APC2: variants seen among roughly 807,000 people sequenced by gnomAD.
APC2 encodes the protein adenomatous polyposis coli protein 2.
Under a neutral mutation model 72.5 loss-of-function variants are expected in APC2, and 41 were observed. The ratio of observed to expected loss-of-function variants is 0.57; its 90% CI spans 0.44 to 0.73. The LOEUF (loss-of-function observed/expected upper bound fraction) is 0.73, where lower values mean the gene tolerates loss of function less well. APC2 is among the 30% of genes least tolerant of loss of function. The probability of loss-of-function intolerance (pLI) is 0.00; values close to 1 mark genes in which losing one functional copy is unlikely to be tolerated. For missense variants in APC2, 3,729 were observed against 3,403.4 expected (o/e 1.10, Z -2.38); for synonymous variants, 1,898 against 1,612.0 (o/e 1.18, Z -4.25).
At chr19:1,461,643 G>T (rs1254440575) in intron 13 of APC2, 1 of 359,106 alleles carries the variant, frequency 2.8e-6, no homozygotes, top group Non-Finnish European at 5.1e-6. Flanking sequence ...ACAAGGTCAG[G>T]AGATCGAGAC....
intron 9 of APC2, 70 bp from the exon 10 acceptor site, chr19:1,457,895 C>CAGGGGGGGGG (rs374378343): frequency 8.0e-6 from 10 of 1,251,674 alleles, no homozygotes; most frequent in Middle Eastern, 2.6e-4. Flanking sequence ...GGGCGGGTTG[C>CAGGGGGGGGG]GGGACCTTCG....
chr19:1,468,732 C>A lies in APC2; in HGVS notation c.5431C>A (p.Pro1811Thr). Residue 1811 changes from proline (P) to threonine (T), a missense_variant, in exon 15 of 15, where the codon CCC becomes ACC. Physicochemically the swap from Pro to Thr is conservative, Grantham distance 38. Transcript: ENST00000590469. ...TGCCCAGCCCAAAGGGACCCCCGGC[C>A]CCCGCGCCACACCGCGGAAGGTGGC... ...PRAQPKGTPG[P>T]RATPRKVAPP... 6.6e-7 allele frequency: 1 copy of A among 1,503,888 alleles called. No homozygotes were observed. The highest frequency in any genetic ancestry group is 2.5e-5 in the East Asian group (1 of 40,310). The allele number at this position is 1,503,888 out of a possible 1,614,324, so 93.2% of individuals were successfully genotyped here. A position where few individuals can be genotyped will look rare whatever the true frequency, so the allele number is the denominator to read the frequency against.
In APC2 at chr19:1,465,957, G is replaced by T; in HGVS notation, c.2656G>T (p.Glu886Ter). ...SGDPGQEAPR[E>*]GRAQSCSPCR... ...AGACCCGGGACAGGAGGCGCCACGG[G>T]AGGGCCGCGCCCAGTCCTGCTCGCC... Residue 886 changes from glutamate (E) to a stop codon, truncating the protein, a stop_gained, in exon 15 of 15, where the codon GAG (glutamate) becomes TAG (stop). Transcript: ENST00000590469. LOFTEE classifies it low-confidence loss of function (END_TRUNC). The T allele has an allele frequency of 6.3e-7, 1 of 1,575,048 alleles. No individual in the cohort carries two copies.
chr19:1,456,731 G>A (rs3896893), intron 8 of APC2, 122 bp from the exon 9 acceptor site: 7 of 1,254,926 alleles, frequency 5.6e-6, no homozygotes, highest in African/African-American at 1.5e-5. Flanking sequence ...CCCCTCATCT[G>A]TCCCCCAGGT....
rs549582280 is a variant in APC2 at position 1,470,256 on chromosome 19, G to T, written c.*43G>T. The T allele has an allele frequency of 2.6e-6, 4 of 1,518,002 alleles. No individual in the cohort carries two copies. The highest frequency in any genetic ancestry group is 3.5e-6 in the Non-Finnish European group (4 of 1,135,008). The allele number at this position is 1,518,002 out of a possible 1,614,324, so 94.0% of individuals were successfully genotyped here. A position where few individuals can be genotyped will look rare whatever the true frequency, so the allele number is the denominator to read the frequency against. On this transcript the variant is annotated 3_prime_UTR_variant, in exon 15 of 15. Transcript: ENST00000590469. ...CTGGAACGTTCTCTCCCGGCCCTGCGGCGCGGTCTGGCTGCCCCATGGGCC... is the reference window on the plus strand; with the variant it reads ...CTGGAACGTTCTCTCCCGGCCCTGCTGCGCGGTCTGGCTGCCCCATGGGCC...
In APC2 at chr19:1,468,685, A is replaced by G; in HGVS notation, c.5384A>G (p.Tyr1795Cys). 1 of 1,561,866 alleles carries G rather than the reference A, an allele frequency of 6.4e-7. No individual in the cohort carries two copies. The change falls in exon 15 of 15, where the codon TAC (tyrosine) becomes TGC (cysteine). Residue 1795 changes from tyrosine to cysteine, a missense_variant. Transcript: ENST00000590469. ...GTGCTCCGGGGACGAACAGTGATCT[A>G]CGTCCCCAGCCCGGCACCCCGTGCC... ...PAVLRGRTVI[Y>C]VPSPAPRAQP... is the part of the protein sequence containing the mutation.
chr19:1,457,038 C>A lies in APC2; in HGVS notation c.1002C>A (p.Ala334=). The change falls in exon 9 of 15, where the codon GCC becomes GCA. Residue 334 remains alanine, a synonymous_variant. Transcript: ENST00000590469. The part of the protein sequence containing the change: ...TEAAAGGRAG[A]PGAPGAKDAR... ...CCGCGGCCGGGGGTCGCGCCGGGGCCCCAGGGGCACCGGGCGCCAAGGACG... is the reference window on the plus strand; with the variant it reads ...CCGCGGCCGGGGGTCGCGCCGGGGCACCAGGGGCACCGGGCGCCAAGGACG... 3 of 1,527,186 alleles carry A rather than the reference C, an allele frequency of 2.0e-6. No homozygotes were observed. Among genetic ancestry groups the A allele is most frequent in the Non-Finnish European group, 2.6e-6 (3 of 1,143,962 alleles). 94.6% of individuals were successfully genotyped at this position (1,527,186 alleles called of 1,614,324 possible). A position where few individuals can be genotyped will look rare whatever the true frequency, so the allele number is the denominator to read the frequency against.
intron 10 of APC2, chr19:1,458,279 T>C (rs2083869918): frequency 3.4e-6 from 2 of 581,788 alleles, no homozygotes. Flanking sequence ...CCCGATCTGG[T>C]CTGAGGCTTC....
rs374378343 is a variant in APC2 at position 1,457,895 on chromosome 19, C to CCGGGGTGGGGGGG, written c.1208-70_1208-69insCGGGGTGGGGGGG. On this transcript the variant is annotated intron_variant, in intron 9 of 14. Coordinates refer to ENST00000590469, the MANE Select transcript of APC2 (RefSeq NM_005883.3). ...CTTCAGGCCTGGGGCGGGCGGGTTGCGGGACCTTCGGGAGTCACCTGGGAC... is the reference window on the plus strand; with the variant it reads ...CTTCAGGCCTGGGGCGGGCGGGTTGCCGGGGTGGGGGGGGGGACCTTCGGGAGTCACCTGGGAC... 3.2e-6 allele frequency: 4 copies of CCGGGGTGGGGGGG among 1,233,430 alleles called. 1 individual carries two copies. The African/African-American group carries it at 8.3e-5, about 26-fold the overall frequency. The allele number at this position is 1,233,430 out of a possible 1,614,324, so 76.4% of individuals were successfully genotyped here.
At chr19:1,448,212 C>G (rs1339204800), upstream of APC2, among the ~76,000 whole-genome samples, 1 of 152,080 alleles carries the variant, frequency 6.6e-6, no homozygotes, top group African/African-American at 2.4e-5. Flanking sequence ...CCCTGTGTCC[C>G]AAGCATGCAT....
rs779603093 is a variant in APC2 at position 1,466,427 on chromosome 19, G to T, written c.3126G>T (p.Lys1042Asn). The T allele has an allele frequency of 6.3e-7, 1 of 1,597,398 alleles. No homozygotes were observed. The highest frequency in any genetic ancestry group is 1.1e-5 in the South Asian group (1 of 90,836). The stretch of plus-strand genomic sequence containing the variant: ...ACCACCTGAGCAAGGTTCCCGAGAA[G>T]CTGGCGGCTGCCCCGCTGTCTGTGG... The part of the protein sequence containing the change: ...PADHLSKVPE[K>N]LAAAPLSVAS... The change falls in exon 15 of 15, where the codon AAG (lysine) becomes AAT (asparagine). Residue 1042 changes from lysine to asparagine, a missense_variant. Lys to Asn is a moderately conservative substitution (Grantham distance 94, BLOSUM62 0). Coordinates refer to ENST00000590469, the MANE Select transcript of APC2 (RefSeq NM_005883.3).
chr19:1,456,515 C>T, intron 8 of APC2, 111 bp downstream of exon 8: 3 of 1,182,074 alleles, frequency 2.5e-6, no homozygotes, highest in Non-Finnish European at 3.5e-6. Flanking sequence ...CCAGCACCCC[C>T]TCGGGTGTAG....
chr19:1,466,274 C>A lies in APC2; in HGVS notation c.2973C>A (p.Arg991=). ...REATSADARV[R]TIKLSPTYQH... ...CCACCTCCGCCGACGCCCGCGTGCG[C>A]ACCATCAAGCTGTCGCCTACCTATC... is the stretch of plus-strand genomic sequence containing the variant. Residue 991 remains arginine, a synonymous_variant, in exon 15 of 15, where the codon CGC becomes CGA. Coordinates refer to ENST00000590469, the MANE Select transcript of APC2 (RefSeq NM_005883.3). The A allele has an allele frequency of 6.5e-7, 1 of 1,528,720 alleles. No individual in the cohort carries two copies. The highest frequency in any genetic ancestry group is 8.7e-7 in the Non-Finnish European group (1 of 1,144,622). The allele number at this position is 1,528,720 out of a possible 1,614,324, so 94.7% of individuals were successfully genotyped here. A position where few individuals can be genotyped will look rare whatever the true frequency, so the allele number is the denominator to read the frequency against.
Position 1,473,216 on chromosome 19 carries a change from C to T in APC2, c.*3003C>T, listed in dbSNP as rs1038854358. On this transcript the variant is annotated 3_prime_UTR_variant, in exon 15 of 15. Transcript: ENST00000590469. Reference sequence around the variant, plus strand: ...CACCGTCAGCTGTCCGACTCGCACACATTTAATAAACTGAGCTCTTGCATT... The same window carrying T: ...CACCGTCAGCTGTCCGACTCGCACATATTTAATAAACTGAGCTCTTGCATT... 3 of 152,314 alleles carry T rather than the reference C, an allele frequency of 2.0e-5. No homozygotes were observed. The highest frequency in any genetic ancestry group is 7.2e-5 in the African/African-American group (3 of 41,474). The allele number at this position is 152,314 out of a possible 1,614,324, so 9.4% of individuals were successfully genotyped here. A position where few individuals can be genotyped will look rare whatever the true frequency, so the allele number is the denominator to read the frequency against.
Position 1,461,114 on chromosome 19 carries a change from CGTGACTGCCCTGGTGCAGT to C in APC2, c.1603_1621del (p.Thr535SerfsTer10). Reference sequence around the variant, plus strand: ...AGAAGGTGCTGAGGGAGGCGGGCAGCGTGACTGCCCTGGTGCAGTGTGTCCTGCGGGCCACCAAGGTGGG... The same window carrying C: ...AGAAGGTGCTGAGGGAGGCGGGCAGCGTGTCCTGCGGGCCACCAAGGTGGG... On this transcript the variant is annotated frameshift_variant, in exon 13 of 15. Coordinates refer to ENST00000590469, the MANE Select transcript of APC2 (RefSeq NM_005883.3). LOFTEE classifies it high-confidence loss of function. The C allele has an allele frequency of 6.2e-7, 1 of 1,612,718 alleles. No homozygotes were observed. The highest frequency in any genetic ancestry group is 8.5e-7 in the Non-Finnish European group (1 of 1,180,008).
At chr19:1,457,895 C>CGGGGGGGGTGGG in intron 9 of APC2, 70 bp from the exon 10 acceptor site, 1 of 1,233,430 alleles carries the variant, frequency 8.1e-7, no homozygotes, top group East Asian at 2.7e-5. Context: ...GGGCGGGTTG[C>CGGGGGGGGTGGG]GGGACCTTCG....
At chr19:1,462,705 T>G (rs1470651945) in intron 14 of APC2, among the ~76,000 whole-genome samples, 1 of 140,686 alleles carries the variant, frequency 7.1e-6, no homozygotes, top group African/African-American at 2.7e-5. Flanking sequence ...GCGCAGTGGC[T>G]CACACCTGTA....
chr19:1,455,022 G>A, intron 4 of APC2, 127 bp from the exon 5 acceptor site: 1 of 454,688 alleles, frequency 2.2e-6, no homozygotes, highest in Non-Finnish European at 3.8e-6. Context: ...GGAGTGCCAC[G>A]GGAGAGACCT....
At chr19:1,460,634 G>T in intron 11 of APC2, 146 bp from the exon 12 acceptor site, 1 of 948,472 alleles carries the variant, frequency 1.1e-6, no homozygotes. Context: ...TTCCCGACCT[G>T]AGCATGGGGT....
Sources: gnomAD v4.1 joint callset for allele counts (sites outside exome capture counted in the v4.1 genomes callset) on GRCh38, gnomAD v4.1.1 for gene constraint, MANE v1.5 for transcripts, NCBI Gene and HGNC (gene_info 2026-07-23, HGNC 2026-07-21) for gene names.